ANKS1B: variants seen among roughly 807,000 people sequenced by gnomAD.
ANKS1B encodes ankyrin repeat and sterile alpha motif domain containing 1B, also known as ankyrin repeat and sterile alpha motif domain-containing protein 1B.
ANKS1B carries 36 observed loss-of-function variants against 148.3 expected under a neutral mutation model. The observed-to-expected ratio is 0.24, with a 90% CI of 0.19 to 0.32. ANKS1B has a LOEUF of 0.32. ANKS1B is among the 10% of genes least tolerant of loss of function. The pLI, the probability that ANKS1B is intolerant of heterozygous loss-of-function variation, is 1.00. For missense variants in ANKS1B, 1,157 were observed against 1,542.6 expected (o/e 0.75, Z 4.19); for synonymous variants, 542 against 560.8 (o/e 0.97, Z 0.47).
chr12:99,124,417 C>CGTGTGTGTGT (rs1491426061), intron 15 of ANKS1B, among the ~76,000 whole-genome samples: 9 of 57,122 alleles, frequency 1.6e-4, no homozygotes, highest in African/African-American at 2.3e-4. Flanking sequence ...TATTTGTGTG[C>CGTGTGTGTGT]ATGTGTGTGT....
intron 12 of ANKS1B, among the ~76,000 whole-genome samples, chr12:99,339,823 C>T (rs931100086): frequency 2.6e-5 from 4 of 152,224 alleles, no homozygotes; most frequent in South Asian, 2.1e-4. Flanking sequence ...TCTCCACTTT[C>T]GCACAAAACT....
intron 15 of ANKS1B, among the ~76,000 whole-genome samples, chr12:99,105,472 C>G (rs1424526506): frequency 6.6e-6 from 1 of 152,124 alleles, no homozygotes; most frequent in Non-Finnish European, 1.5e-5. Context: ...AACCCAATGT[C>G]ACAGGAAATA....
intron 8 of ANKS1B, among the ~76,000 whole-genome samples, chr12:99,669,538 G>A (rs1158756860): frequency 6.6e-6 from 1 of 152,014 alleles, no homozygotes; most frequent in African/African-American, 2.4e-5. Flanking sequence ...AATGTGCCAT[G>A]TATTAAGCAT....
At chr12:98,907,045 GTGTA>G (rs3222327) in intron 17 of ANKS1B, among the ~76,000 whole-genome samples, 7 of 125,958 alleles carry the variant, frequency 5.6e-5, no homozygotes, top group African/African-American at 1.6e-4. Flanking sequence ...GTGTGTGTGT[GTGTA>G]TGTATGGTGA....
chr12:99,974,614 A>G (rs1430103078), intron 1 of ANKS1B, among the ~76,000 whole-genome samples: 1 of 152,066 alleles, frequency 6.6e-6, no homozygotes, highest in African/African-American at 2.4e-5. Context: ...GTTCACACCT[A>G]TAATCCCAGA....
At chr12:98,912,224 C>G (rs1794436235) in intron 17 of ANKS1B, among the ~76,000 whole-genome samples, 1 of 152,274 alleles carries the variant, frequency 6.6e-6, no homozygotes, top group Non-Finnish European at 1.5e-5. Context: ...AATGGTAGAG[C>G]TGAGGTTATG....
intron 8 of ANKS1B, among the ~76,000 whole-genome samples, chr12:99,722,407 C>A (rs766128377): frequency 9.2e-5 from 14 of 152,268 alleles, no homozygotes; most frequent in Non-Finnish European, 1.5e-4. Flanking sequence ...TCTGAAAACA[C>A]TAAAGCTTTT....
At chr12:99,451,244 T>C (rs1290205653) in intron 10 of ANKS1B, among the ~76,000 whole-genome samples, 1 of 152,206 alleles carries the variant, frequency 6.6e-6, no homozygotes, top group African/African-American at 2.4e-5. Context: ...TTAGAAAAAA[T>C]ACTTATAGTT....
chr12:99,681,525 C>T (rs1008644957), intron 8 of ANKS1B, among the ~76,000 whole-genome samples: 1 of 152,154 alleles, frequency 6.6e-6, no homozygotes, highest in African/African-American at 2.4e-5. Context: ...TCTTTGCAGA[C>T]ACTCCCCAGT....
intron 17 of ANKS1B, among the ~76,000 whole-genome samples, chr12:98,919,419 G>A (rs1233160869): frequency 6.6e-6 from 1 of 152,126 alleles, no homozygotes; most frequent in Non-Finnish European, 1.5e-5. Context: ...TATGATCAAG[G>A]GCGGAGATGC....
intron 1 of ANKS1B, among the ~76,000 whole-genome samples, chr12:99,914,107 C>A (rs564663433): frequency 1.3e-5 from 2 of 152,284 alleles, no homozygotes; most frequent in Non-Finnish European, 2.9e-5. Flanking sequence ...CCTGGAACCA[C>A]CTTGCACATA....
chr12:99,230,575 C>T (rs900251688), intron 14 of ANKS1B, among the ~76,000 whole-genome samples: 4 of 152,096 alleles, frequency 2.6e-5, no homozygotes, highest in Admixed American at 6.6e-5. Context: ...TGAATATTAT[C>T]TCTAATTTTA....
intron 1 of ANKS1B, among the ~76,000 whole-genome samples, chr12:99,891,220 C>G (rs965041443): frequency 6.6e-6 from 1 of 152,144 alleles, no homozygotes; most frequent in African/African-American, 2.4e-5. Flanking sequence ...AGTGGTTGCA[C>G]CATTTTATAT....
At chr12:99,364,190 A>T (rs988980292) in intron 12 of ANKS1B, among the ~76,000 whole-genome samples, 5 of 152,162 alleles carry the variant, frequency 3.3e-5, no homozygotes, top group Admixed American at 1.3e-4. Context: ...TTGATTAAAG[A>T]TGTACTGCAA....
chr12:99,063,734 C>T (rs891766118), intron 16 of ANKS1B, among the ~76,000 whole-genome samples: 1 of 152,136 alleles, frequency 6.6e-6, no homozygotes, highest in African/African-American at 2.4e-5. Flanking sequence ...TTTAGGAAGA[C>T]ACCCTTTAAG....
At chr12:99,690,206 C>T (rs2098671738) in intron 8 of ANKS1B, among the ~76,000 whole-genome samples, 1 of 152,144 alleles carries the variant, frequency 6.6e-6, no homozygotes, top group African/African-American at 2.4e-5. Flanking sequence ...ATTACCTCCA[C>T]CTGGTCCCAA....
chr12:99,530,990 T>C (rs1386377402), intron 9 of ANKS1B, among the ~76,000 whole-genome samples: 1 of 152,226 alleles, frequency 6.6e-6, no homozygotes, highest in South Asian at 2.1e-4. Flanking sequence ...GACATATTCC[T>C]GCCTCTGTCT....
At chr12:98,880,826 T>C (rs1402279444) in intron 17 of ANKS1B, among the ~76,000 whole-genome samples, 1 of 151,930 alleles carries the variant, frequency 6.6e-6, no homozygotes, top group African/African-American at 2.4e-5. Flanking sequence ...AACAACAAGA[T>C]GGGTAGGTTC....
chr12:98,745,019 T>C lies in ANKS1B; in HGVS notation c.*720A>G, dbSNP rs988956492. On this transcript the variant is annotated 3_prime_UTR_variant, in exon 27 of 27. Transcript: ENST00000683438. ...CTAACCTAGTTTTCTTATCAATGCATTAATGAAACATTCTTTTAATAAAAA... is the reference window on the plus strand; with the variant it reads ...CTAACCTAGTTTTCTTATCAATGCACTAATGAAACATTCTTTTAATAAAAA... 2.0e-6 allele frequency: 2 copies of C among 985,366 alleles called. No individual in the cohort carries two copies. The highest frequency in any genetic ancestry group is 2.4e-6 in the Non-Finnish European group (2 of 829,584). The allele number at this position is 985,366 out of a possible 1,614,324, so 61.0% of individuals were successfully genotyped here.
Sources: gnomAD v4.1 joint callset for allele counts (sites outside exome capture counted in the v4.1 genomes callset) on GRCh38, gnomAD v4.1.1 for gene constraint, MANE v1.5 for transcripts, NCBI Gene and HGNC (gene_info 2026-07-23, HGNC 2026-07-21) for gene names.